Variants in RARB observed in about 807,000 individuals in gnomAD.
RARB encodes HBV-activated protein.
A neutral mutation model predicts 51.9 loss-of-function variants in RARB; 17 were observed. The observed-to-expected ratio is 0.33, with a 90% confidence interval of 0.22 to 0.49. RARB has a LOEUF of 0.49. Among genes scored for constraint, RARB ranks in the 20% least tolerant of loss-of-function variants. The pLI is 0.99. For missense variants in RARB, 369 were observed against 550.8 expected (o/e 0.67, Z 3.30); for synonymous variants, 215 against 195.4 (o/e 1.10, Z -0.84).
rs775343619 is a variant in RARB, at chr3:25,348,315, TAAATA to T, written c.179-112874_179-112870del. Reference sequence around the variant, plus strand: ...TTAGATATTTTAAATTTTATTATCTTAAATAAAAATTTATTTTGGTACTCACTAAA... The same window carrying T: ...TTAGATATTTTAAATTTTATTATCTTAAAATTTATTTTGGTACTCACTAAA... On this transcript the variant is annotated intron_variant, in intron 5 of 11. Coordinates refer to the RARB transcript ENST00000383772. Among the ~76,000 whole-genome samples the T allele has an allele frequency of 3.2e-3, 487 of 152,270 alleles. 8 individuals are homozygous for T. The highest frequency in any genetic ancestry group is 2.0e-3 in the Non-Finnish European group (133 of 68,028).
chr3:24,890,702 T>C (rs879941365), intron 2 of RARB, among the ~76,000 whole-genome samples: 9 of 152,212 alleles, frequency 5.9e-5, no homozygotes, highest in Non-Finnish European at 1.2e-4. Flanking sequence ...ACATATGGAA[T>C]GGTACAAGTA....
chr3:25,585,962 G>A (rs1559480521), intron 5 of RARB, among the ~76,000 whole-genome samples: 1 of 152,178 alleles, frequency 6.6e-6, no homozygotes, highest in African/African-American at 2.4e-5. Context: ...AGGACTGGGT[G>A]GGCAGGATGG....
chr3:24,948,784 TC>T (rs1341383255), intron 2 of RARB, among the ~76,000 whole-genome samples: 1 of 152,100 alleles, frequency 6.6e-6, no homozygotes, highest in Non-Finnish European at 1.5e-5. Flanking sequence ...TGGCGGGACC[TC>T]CCCCTTCTCC....
At chr3:25,269,818 C>T (rs867608212) in intron 5 of RARB, among the ~76,000 whole-genome samples, 2 of 152,134 alleles carry the variant, frequency 1.3e-5, no homozygotes, top group Middle Eastern at 3.4e-3. Context: ...TCATTTTATG[C>T]TAAAAATGTC....
At chr3:25,507,011 T>G (rs1470852383) in intron 3 of RARB, among the ~76,000 whole-genome samples, 5 of 152,258 alleles carry the variant, frequency 3.3e-5, no homozygotes, top group African/African-American at 9.6e-5. Context: ...AAGCCTCCCC[T>G]AAGCCTCATT....
intron 3 of RARB, among the ~76,000 whole-genome samples, chr3:25,110,205 A>T (rs1429146943): frequency 1.3e-5 from 2 of 152,238 alleles, no homozygotes; most frequent in African/African-American, 4.8e-5. Flanking sequence ...GACCATGCTT[A>T]GGCTAAATAC....
intron 2 of RARB, among the ~76,000 whole-genome samples, chr3:24,874,454 G>T (rs1242313454): frequency 1.3e-5 from 2 of 151,892 alleles, no homozygotes; most frequent in Non-Finnish European, 2.9e-5. Flanking sequence ...GCATTATAAT[G>T]CCCTTCAGAT....
intron 5 of RARB, among the ~76,000 whole-genome samples, chr3:25,210,082 A>G (rs909850365): frequency 3.3e-5 from 5 of 152,208 alleles, no homozygotes; most frequent in Admixed American, 1.3e-4. Context: ...TTTTCTGGAG[A>G]TGAGGTTTCA....
intron 5 of RARB, among the ~76,000 whole-genome samples, chr3:25,406,743 C>T (rs1392906784): frequency 6.6e-6 from 1 of 152,168 alleles, no homozygotes; most frequent in Non-Finnish European, 1.5e-5. Flanking sequence ...GGAGAAAGGG[C>T]GTGTGCCTTA....
chr3:25,412,857 T>C (rs565421291), intron 5 of RARB, among the ~76,000 whole-genome samples: 1 of 152,032 alleles, frequency 6.6e-6, no homozygotes, highest in Admixed American at 6.5e-5. Flanking sequence ...CCATCTCTAC[T>C]AAAAATACAA....
intron 1 of RARB, among the ~76,000 whole-genome samples, chr3:24,849,068 GA>G (rs1316153216): frequency 6.6e-6 from 1 of 152,136 alleles, no homozygotes; most frequent in Non-Finnish European, 1.5e-5. Flanking sequence ...GCCCCCAGTG[GA>G]TGCCTGAAAT....
rs916258222 is a variant in RARB at position 25,382,023 on chromosome 3, G to C, written c.179-79170G>C. On this transcript the variant is annotated intron_variant, in intron 5 of 11. Transcript: ENST00000383772. The stretch of plus-strand genomic sequence containing the variant: ...CACGTTGTCATCTTCGAAGTAGCTT[G>C]AGTAGGGTGCAAGATAGCAATATTC... 1.6e-4 allele frequency among the ~76,000 whole-genome samples: 24 copies of C among 152,188 alleles called. 1 individual carries two copies. Among genetic ancestry groups the C allele is most frequent in the Admixed American group, 1.3e-4 (2 of 15,270 alleles).
intron 1 of RARB, among the ~76,000 whole-genome samples, chr3:25,440,868 G>A (rs978381987): frequency 6.6e-6 from 1 of 151,978 alleles, no homozygotes; most frequent in Admixed American, 6.6e-5. Context: ...TTGAACTACT[G>A]AACCTTGTTC....
intron 3 of RARB, among the ~76,000 whole-genome samples, chr3:25,111,596 T>C (rs1355132855): frequency 6.6e-6 from 1 of 150,400 alleles, no homozygotes; most frequent in African/African-American, 2.5e-5. Flanking sequence ...TTTTTTTTTT[T>C]TTTTTTGAGA....
chr3:25,037,932 G>A (rs1698031313), intron 2 of RARB, among the ~76,000 whole-genome samples: 1 of 152,142 alleles, frequency 6.6e-6, no homozygotes. Flanking sequence ...GAGAAAAAGA[G>A]TAATATTCCA....
chr3:25,143,115 C>T (rs1341348417), intron 4 of RARB, among the ~76,000 whole-genome samples: 8 of 152,068 alleles, frequency 5.3e-5, no homozygotes. Flanking sequence ...CATCACCTGA[C>T]AATGAATTAT....
chr3:25,350,505 A>C (rs1178138281), intron 5 of RARB, among the ~76,000 whole-genome samples: 1 of 152,186 alleles, frequency 6.6e-6, no homozygotes, highest in Non-Finnish European at 1.5e-5. Flanking sequence ...ACACTCTTCT[A>C]GCTACTTTAT....
chr3:25,509,946 A>G (rs1005617134), intron 3 of RARB, among the ~76,000 whole-genome samples: 1 of 152,028 alleles, frequency 6.6e-6, no homozygotes, highest in African/African-American at 2.4e-5. Context: ...CCTTCTCCCA[A>G]CCAACTCCTG....
chr3:25,412,092 ACT>A (rs1267652334), intron 5 of RARB, among the ~76,000 whole-genome samples: 2 of 152,126 alleles, frequency 1.3e-5, no homozygotes, highest in Non-Finnish European at 2.9e-5. Flanking sequence ...CCTGGAAATG[ACT>A]CTGCAAATTA....
Sources: allele counts gnomAD v4.1 joint callset (sites outside exome capture counted in the v4.1 genomes callset), GRCh38; gene constraint gnomAD v4.1.1; transcripts MANE v1.5; gene names NCBI Gene and HGNC (gene_info 2026-07-23, HGNC 2026-07-21).